The following KCNQ5 variants were observed in gnomAD, a reference collection of about 807,000 sequenced individuals.
KCNQ5 encodes the protein potassium voltage-gated channel subfamily KQT member 5.
A neutral mutation model predicts 98.2 loss-of-function variants in KCNQ5; 30 were observed. The ratio of observed to expected loss-of-function variants is 0.31; its 90% CI spans 0.23 to 0.41. KCNQ5 has a LOEUF of 0.41. Ranked by LOEUF, KCNQ5 falls within the 10% of genes least tolerant of loss-of-function variation. KCNQ5 has a pLI of 1.00. For missense variants in KCNQ5, 835 were observed against 1,182.5 expected (o/e 0.71, Z 4.31); for synonymous variants, 458 against 449.4 (o/e 1.02, Z -0.24).
chr6:72,958,801 C>A (rs1001022588), intron 1 of KCNQ5, among the ~76,000 whole-genome samples: 2 of 152,162 alleles, frequency 1.3e-5, no homozygotes, highest in Admixed American at 1.3e-4. Flanking sequence ...AAGTGCAATA[C>A]ATTATCTGAA....
At chr6:73,070,277 T>C (rs1357289704) in intron 3 of KCNQ5, among the ~76,000 whole-genome samples, 1 of 152,134 alleles carries the variant, frequency 6.6e-6, no homozygotes, top group African/African-American at 2.4e-5. Context: ...AATCCCAAAA[T>C]AGGCTTCTCA....
intron 1 of KCNQ5, among the ~76,000 whole-genome samples, chr6:72,934,562 G>A (rs1765822124): frequency 6.6e-6 from 1 of 152,196 alleles, no homozygotes; most frequent in Non-Finnish European, 1.5e-5. Context: ...TTTCAAAGGT[G>A]ATCTGAACTT....
intron 1 of KCNQ5, among the ~76,000 whole-genome samples, chr6:72,938,970 G>A (rs111950855): frequency 1.2e-3 from 188 of 152,118 alleles, no homozygotes; most frequent in South Asian, 2.5e-3. Context: ...AACAGATTTC[G>A]TGCTCTATTG....
At chr6:73,148,870 C>T (rs961365492) in intron 10 of KCNQ5, among the ~76,000 whole-genome samples, 3 of 152,166 alleles carry the variant, frequency 2.0e-5, no homozygotes, top group African/African-American at 7.2e-5. Context: ...GAAATGCAGA[C>T]TGTGTGCAGT....
chr6:72,746,486 G>A (rs1771415190), intron 1 of KCNQ5, among the ~76,000 whole-genome samples: 1 of 152,080 alleles, frequency 6.6e-6, no homozygotes, highest in Admixed American at 6.6e-5. Flanking sequence ...GGTGAGTCAG[G>A]GATTTGCTGA....
chr6:73,096,462 C>A (rs1774503581), intron 5 of KCNQ5, among the ~76,000 whole-genome samples: 1 of 151,714 alleles, frequency 6.6e-6, no homozygotes, highest in East Asian at 1.9e-4. Context: ...TCATGAAGAA[C>A]CCTGCAGGCC....
chr6:73,140,147 A>G (rs1040355468), intron 10 of KCNQ5, among the ~76,000 whole-genome samples: 1 of 152,230 alleles, frequency 6.6e-6, no homozygotes, highest in African/African-American at 2.4e-5. Context: ...TCTTGTATCC[A>G]TAATGGCCTA....
intron 1 of KCNQ5, among the ~76,000 whole-genome samples, chr6:72,847,871 G>A (rs1777083933): frequency 6.6e-6 from 1 of 152,154 alleles, no homozygotes; most frequent in African/African-American, 2.4e-5. Flanking sequence ...CACTTAGAGT[G>A]GTAGCACCTT....
At chr6:72,994,809 C>A (rs1174682781) in intron 1 of KCNQ5, among the ~76,000 whole-genome samples, 1 of 152,028 alleles carries the variant, frequency 6.6e-6, no homozygotes, top group Non-Finnish European at 1.5e-5. Flanking sequence ...AGCTTTGTAT[C>A]ATAAGGTATC....
intron 1 of KCNQ5, among the ~76,000 whole-genome samples, chr6:72,627,627 A>G (rs1321021354): frequency 6.6e-6 from 1 of 152,168 alleles, no homozygotes; most frequent in African/African-American, 2.4e-5. Context: ...AGGAGTGGTT[A>G]AGACTTGGGA....
At chr6:73,117,624 C>G (rs1426251057) in intron 7 of KCNQ5, among the ~76,000 whole-genome samples, 5 of 152,102 alleles carry the variant, frequency 3.3e-5, no homozygotes, top group Admixed American at 2.6e-4. Context: ...ATGTGCAGAC[C>G]TGCCATATGC....
chr6:72,961,330 C>T (rs1194198844), intron 1 of KCNQ5, among the ~76,000 whole-genome samples: 1 of 151,996 alleles, frequency 6.6e-6, no homozygotes, highest in Non-Finnish European at 1.5e-5. Context: ...GTGGAGTGGA[C>T]TGGAGGCCGG....
At chr6:72,962,188 TATATATATATATAC>T (rs70994151) in intron 1 of KCNQ5, among the ~76,000 whole-genome samples, 19,994 of 139,580 alleles carry the variant, frequency 0.14, 1,591 homozygotes, top group East Asian at 0.23. Context: ...TCTAAATATA[TATATATATATATAC>T]ATATATATAT....
intron 3 of KCNQ5, among the ~76,000 whole-genome samples, chr6:73,049,610 G>A (rs949793034): frequency 2.6e-5 from 4 of 152,120 alleles, no homozygotes; most frequent in Admixed American, 2.0e-4. Context: ...TAATGAAGGA[G>A]CAGGAAAAAT....
At chr6:73,168,073 C>T (rs7763514) in intron 10 of KCNQ5, among the ~76,000 whole-genome samples, 108,216 of 152,104 alleles carry the variant, frequency 0.71, 39,769 homozygotes, top group African/African-American at 0.88. Context: ...AAAGGGACCT[C>T]GAAGAAGAGC....
At chr6:72,721,773 C>T (rs565458760) in intron 1 of KCNQ5, among the ~76,000 whole-genome samples, 2 of 152,280 alleles carry the variant, frequency 1.3e-5, no homozygotes, top group African/African-American at 4.8e-5. Flanking sequence ...ATGCTACTTC[C>T]CTGTTTTCTC....
intron 10 of KCNQ5, among the ~76,000 whole-genome samples, chr6:73,137,574 A>G (rs747745347): frequency 4.6e-5 from 7 of 152,242 alleles, no homozygotes; most frequent in Non-Finnish European, 8.8e-5. Flanking sequence ...ATGAGTAATA[A>G]TAATGATAAA....
chr6:72,839,374 A>G (rs1776684889), intron 1 of KCNQ5, among the ~76,000 whole-genome samples: 1 of 152,174 alleles, frequency 6.6e-6, no homozygotes, highest in Non-Finnish European at 1.5e-5. Context: ...TTTGCCTTAT[A>G]ATTCCAAAAT....
chr6:72,872,568 C>T (rs932965077), intron 1 of KCNQ5, among the ~76,000 whole-genome samples: 1 of 152,084 alleles, frequency 6.6e-6, no homozygotes, highest in Non-Finnish European at 1.5e-5. Context: ...CTCTGTTAGG[C>T]AGGTATCGTT....
Sources: allele counts gnomAD v4.1 joint callset (sites outside exome capture counted in the v4.1 genomes callset), GRCh38; gene constraint gnomAD v4.1.1; transcripts MANE v1.5; gene names NCBI Gene and HGNC (gene_info 2026-07-23, HGNC 2026-07-21).